FOXK1: variants seen among roughly 807,000 people sequenced by gnomAD.
The protein encoded by FOXK1 is forkhead box protein K1.
FOXK1 carries 19 observed loss-of-function variants against 51.9 expected under a neutral mutation model. The ratio of observed to expected loss-of-function variants is 0.37; its 90% CI spans 0.26 to 0.54. The LOEUF is 0.54. Among genes scored for constraint, FOXK1 ranks in the 20% least tolerant of loss-of-function variants. The pLI, the probability that FOXK1 is intolerant of heterozygous loss-of-function variation, is 0.87. For synonymous variants in FOXK1, 537 were observed against 482.6 expected (o/e 1.11, Z -1.48); for missense variants, 870 against 1,032.7 (o/e 0.84, Z 2.16).
chr7:4,706,054 GTA>G (rs1209672227), intron 1 of FOXK1, among the ~76,000 whole-genome samples: 6 of 117,184 alleles, frequency 5.1e-5, no homozygotes, highest in Non-Finnish European at 8.0e-5. Context: ...GTGTATATAT[GTA>G]TATATATGTG....
rs112341477 is a variant in FOXK1, at chr7:4,747,593, T to TG, written c.746+6572dup. Among the ~76,000 whole-genome samples, 120 of 152,292 alleles carry TG rather than the reference T, an allele frequency of 7.9e-4. 3 individuals are homozygous for TG. The highest frequency in any genetic ancestry group is 2.7e-3 in the African/African-American group (114 of 41,562). On this transcript the variant is annotated intron_variant, in intron 2 of 8. Transcript: ENST00000328914. The surrounding 1 kb of genome is among the most constrained non-coding windows in gnomAD (Gnocchi z 9.2). ...CTCTATTGCCCAGGCTGGAGTGCAG[T>TG]GGCACAGTCACAGCTCACTGCAACC...
At chr7:4,716,092 G>C (rs2115044190) in intron 1 of FOXK1, among the ~76,000 whole-genome samples, 1 of 152,206 alleles carries the variant, frequency 6.6e-6, no homozygotes, top group Admixed American at 6.5e-5. Flanking sequence ...GTGGTGGTGG[G>C]TGCCTGAAAT....
intron 1 of FOXK1, among the ~76,000 whole-genome samples, chr7:4,689,807 G>A (rs1009015572): frequency 6.6e-6 from 1 of 152,296 alleles, no homozygotes; most frequent in African/African-American, 2.4e-5. Context: ...GGACAGTGAC[G>A]GCATTCCTCT....
chr7:4,732,256 C>T (rs114836919), intron 1 of FOXK1, among the ~76,000 whole-genome samples: 1,925 of 152,340 alleles, frequency 0.013, 44 homozygotes, highest in African/African-American at 0.044. Context: ...ATCATTACCC[C>T]AGTTTGGCTG....
At chr7:4,689,092 C>G (rs1779858420) in intron 1 of FOXK1, among the ~76,000 whole-genome samples, 1 of 152,074 alleles carries the variant, frequency 6.6e-6, no homozygotes, top group Non-Finnish European at 1.5e-5. Context: ...ATTCTCCTGC[C>G]TCAGCCTCCT....
chr7:4,690,816 G>GT (rs2115029417), intron 1 of FOXK1, among the ~76,000 whole-genome samples: 1 of 152,300 alleles, frequency 6.6e-6, no homozygotes, highest in African/African-American at 2.4e-5. Context: ...ACGATTTGCT[G>GT]TTTTTGCATC....
At chr7:4,724,966 T>C (rs539150214) in intron 1 of FOXK1, among the ~76,000 whole-genome samples, 1 of 152,286 alleles carries the variant, frequency 6.6e-6, no homozygotes, top group East Asian at 1.9e-4. Flanking sequence ...AGAAAAATAG[T>C]GGGGACAGGG....
Position 4,749,852 on chromosome 7 carries a change from C to G in FOXK1, c.747-4607C>G, listed in dbSNP as rs888269755. Among the ~76,000 whole-genome samples, 27 of 152,348 alleles carry G rather than the reference C, an allele frequency of 1.8e-4. No homozygotes were observed. Among genetic ancestry groups the G allele is most frequent in the African/African-American group, 6.5e-4 (27 of 41,580 alleles). ...GCTTTAGGTCTGTTGTTGGATTTGC[C>G]TTTCTCAGCGTGACTTCTCATCATA... is the stretch of plus-strand genomic sequence containing the variant. On this transcript the variant is annotated intron_variant, in intron 2 of 8. Coordinates refer to ENST00000328914, the MANE Select transcript of FOXK1 (RefSeq NM_001037165.2). This position sits in a 1 kb window ranked among gnomAD's most constrained non-coding sequence, Gnocchi z 6.0.
chr7:4,739,681 C>T (rs1307541298), intron 1 of FOXK1, among the ~76,000 whole-genome samples: 4 of 152,186 alleles, frequency 2.6e-5, no homozygotes, highest in South Asian at 2.1e-4. Context: ...ATCGTGAAGC[C>T]GGTCCATTAA....
At position 4,759,042 on chromosome 7, in the gene FOXK1, G is replaced by A. The variant is rs1175984730; in HGVS notation, c.1245-9G>A. ...GCGCTGACTGCCGCGGCCCTTGCCT[G>A]TCTTCCAGGAGCGCTCCAGCTTCGC... On this transcript the variant is annotated splice_polypyrimidine_tract_variant and intron_variant, in intron 5 of 8. Coordinates refer to ENST00000328914, the MANE Select transcript of FOXK1 (RefSeq NM_001037165.2). 6.3e-7 allele frequency: 1 copy of A among 1,581,560 alleles called. No homozygotes were observed.
intron 1 of FOXK1, among the ~76,000 whole-genome samples, chr7:4,706,477 G>A (rs1441913866): frequency 1.3e-5 from 2 of 152,120 alleles, no homozygotes; most frequent in African/African-American, 4.8e-5. Context: ...TGGGGCTGTG[G>A]ATGCTGACAG....
intron 2 of FOXK1, among the ~76,000 whole-genome samples, chr7:4,752,741 A>G (rs1308951689): frequency 6.6e-6 from 1 of 152,076 alleles, no homozygotes; most frequent in East Asian, 1.9e-4. Flanking sequence ...TCCAAGGGGG[A>G]CGTCCAGTGG....
At position 4,750,045 on chromosome 7, in the gene FOXK1, C is replaced by T. The variant is rs191871827; in HGVS notation, c.747-4414C>T. Among the ~76,000 whole-genome samples, 105 of 152,324 alleles carry T rather than the reference C, an allele frequency of 6.9e-4. 3 individuals carry two copies. In the East Asian group the frequency reaches 9.3e-3, roughly 13 times the overall value. Reference sequence around the variant, plus strand: ...GGGGTTGTCCCTGTGAGCACAGCTCCGGGAGACCCGTACTCAGAATCCTCC... The same window carrying T: ...GGGGTTGTCCCTGTGAGCACAGCTCTGGGAGACCCGTACTCAGAATCCTCC... On this transcript the variant is annotated intron_variant, in intron 2 of 8. Coordinates refer to ENST00000328914, the MANE Select transcript of FOXK1 (RefSeq NM_001037165.2).
intron 1 of FOXK1, among the ~76,000 whole-genome samples, chr7:4,693,100 A>C (rs1779914408): frequency 6.6e-6 from 1 of 152,096 alleles, no homozygotes; most frequent in Non-Finnish European, 1.5e-5. Flanking sequence ...TTCATTTTGA[A>C]TGAGTCCTTT....
At chr7:4,704,417 C>G (rs1229041917) in intron 1 of FOXK1, among the ~76,000 whole-genome samples, 3 of 146,478 alleles carry the variant, frequency 2.0e-5, no homozygotes, top group Admixed American at 7.0e-5. Context: ...CGCCACTGCA[C>G]TCCAGCCTGG....
At chr7:4,717,772 T>C (rs1780255276) in intron 1 of FOXK1, among the ~76,000 whole-genome samples, 1 of 152,164 alleles carries the variant, frequency 6.6e-6, no homozygotes, top group African/African-American at 2.4e-5. Flanking sequence ...ATGCTGTTTC[T>C]TCTGAAGCTT....
In FOXK1 at chr7:4,759,372, G is replaced by T. The variant is rs773910421; in HGVS notation, c.1473G>T (p.Val491=). ...MAVPPRPSSL[V]AKPVAYMPAS... ...TGCCTCCCCGACCGTCCAGCCTCGT[G>T]GCCAAGCCCGTGGCCTACATGCCCG... Residue 491 remains valine (V), a synonymous_variant, in exon 7 of 9, where the codon GTG becomes GTT. Transcript: ENST00000328914. 4.4e-6 allele frequency: 7 copies of T among 1,602,464 alleles called. No homozygotes were observed. In the East Asian group the frequency reaches 1.1e-4, roughly 26 times the overall value.
rs1039267034 is a variant in FOXK1, at chr7:4,756,161, C to T, written c.1050+778C>T. Among the ~76,000 whole-genome samples the T allele has an allele frequency of 3.3e-5, 5 of 152,174 alleles. No individual in the cohort carries two copies. Among genetic ancestry groups the T allele is most frequent in the African/African-American group, 1.2e-4 (5 of 41,452 alleles). ...ACAGGATCTCGCTCTGCCATCCCGG[C>T]TGGAGTGTGGTGGCGCGATCTCAGC... On this transcript the variant is annotated intron_variant, in intron 4 of 8. Coordinates refer to ENST00000328914, the MANE Select transcript of FOXK1 (RefSeq NM_001037165.2). The surrounding 1 kb of genome is among the most constrained non-coding windows in gnomAD (Gnocchi z 4.1).
chr7:4,697,576 C>T (rs956012379), intron 1 of FOXK1, among the ~76,000 whole-genome samples: 3 of 152,228 alleles, frequency 2.0e-5, no homozygotes, highest in African/African-American at 7.2e-5. Context: ...CCACAGACTT[C>T]TACTCTTCCA....
Sources: gnomAD v4.1 joint callset for allele counts (sites outside exome capture counted in the v4.1 genomes callset) on GRCh38, gnomAD v4.1.1 for gene constraint, Gnocchi (gnomAD v3.1) non-coding constraint, MANE v1.5 for transcripts, NCBI Gene and HGNC (gene_info 2026-07-23, HGNC 2026-07-21) for gene names.